Variants in XYLT1 observed in about 807,000 individuals in gnomAD.
The protein encoded by XYLT1 is beta-D-xylosyltransferase 1.
A neutral mutation model predicts 91.3 loss-of-function variants in XYLT1; 36 were observed. That is an observed-to-expected ratio of 0.39 (90% CI 0.30 to 0.52). XYLT1 has a LOEUF of 0.52. XYLT1 is among the 20% of genes least tolerant of loss of function. The pLI, the probability that XYLT1 is intolerant of heterozygous loss-of-function variation, is 0.68. For missense variants in XYLT1, 1,242 were observed against 1,284.5 expected (o/e 0.97, Z 0.51); for synonymous variants, 588 against 532.0 (o/e 1.11, Z -1.45).
rs2033677467 is a variant in XYLT1, at chr16:17,258,988, C to T, written c.913G>A (p.Gly305Ser). The change falls in exon 3 of 12, where the codon GGT (glycine) becomes AGT (serine). Residue 305 changes from glycine to serine, a missense_variant and splice_region_variant. By Grantham distance (56) the Gly-to-Ser change is moderately conservative. Coordinates refer to ENST00000261381, the MANE Select transcript of XYLT1 (RefSeq NM_022166.4). Reference sequence around the variant, plus strand: ...CTGAGCCAGCGGGGTTGGAACTTACCCTCGAGGGGGCAGAACCGAGTCACC... The same window carrying T: ...CTGAGCCAGCGGGGTTGGAACTTACTCTCGAGGGGGCAGAACCGAGTCACC... ...EKVTRFCPLE[G>S]KANKNVQWDE... 3 of 1,495,826 alleles carry T rather than the reference C, an allele frequency of 2.0e-6. No homozygotes were observed. The South Asian group carries it at 4.3e-5, about 21-fold the overall frequency. 92.7% of individuals were successfully genotyped at this position (1,495,826 alleles called of 1,614,324 possible). A position where few individuals can be genotyped will look rare whatever the true frequency, so the allele number is the denominator to read the frequency against.
chr16:17,465,556 T>G lies in XYLT1; in HGVS notation c.363+4878A>C, dbSNP rs397832635. Among the ~76,000 whole-genome samples the G allele has an allele frequency of 4.3e-3, 440 of 101,202 alleles. 6 individuals are homozygous for G. In the East Asian group the frequency reaches 0.073, roughly 17 times the overall value. 66.4% of individuals were successfully genotyped at this position (101,202 alleles called of 152,430 possible). ...CCTGGAAATTTTTTGTGTTTTTTTT[T>G]GGGGGGGGGGGGGGTGAGCATTTAA... On this transcript the variant is annotated intron_variant, in intron 1 of 11. Transcript: ENST00000261381.
chr16:17,421,344 C>G (rs1363836299), intron 1 of XYLT1, among the ~76,000 whole-genome samples: 1 of 152,198 alleles, frequency 6.6e-6, no homozygotes, highest in Non-Finnish European at 1.5e-5. Flanking sequence ...CCCATATGCT[C>G]TTCTGCAAGG....
chr16:17,111,837 T>A (rs973948297), intron 11 of XYLT1, among the ~76,000 whole-genome samples: 1 of 152,170 alleles, frequency 6.6e-6, no homozygotes, highest in African/African-American at 2.4e-5. Flanking sequence ...AGCTGCTTTC[T>A]CCCACGGTAG....
intron 1 of XYLT1, among the ~76,000 whole-genome samples, chr16:17,369,128 T>G (rs1354179744): frequency 1.4e-5 from 2 of 138,626 alleles, no homozygotes; most frequent in Non-Finnish European, 3.2e-5. Flanking sequence ...ACAAAAATAC[T>G]TCTTTTTTTT....
At chr16:17,209,048 A>C (rs1173459239) in intron 3 of XYLT1, among the ~76,000 whole-genome samples, 1 of 152,236 alleles carries the variant, frequency 6.6e-6, no homozygotes. Flanking sequence ...TTAAGTTTAC[A>C]GTTTAGTATA....
chr16:17,330,136 C>CACACACACAG (rs1172699737), intron 2 of XYLT1, among the ~76,000 whole-genome samples: 3 of 151,626 alleles, frequency 2.0e-5, no homozygotes, highest in Non-Finnish European at 4.4e-5. Context: ...CACACACACA[C>CACACACACAG]AGCTGTCAGC....
chr16:17,391,124 G>C (rs1046083025), intron 1 of XYLT1, among the ~76,000 whole-genome samples: 9 of 152,216 alleles, frequency 5.9e-5, no homozygotes, highest in African/African-American at 2.2e-4. Context: ...GAGGTCACAA[G>C]ATTTGCAACT....
rs375109063 is a variant in XYLT1 at position 17,141,286 on chromosome 16, T to G, written c.1454A>C (p.Glu485Ala). 3.1e-6 allele frequency: 5 copies of G among 1,614,036 alleles called. No individual in the cohort carries two copies. In the African/African-American group the frequency reaches 5.3e-5, roughly 17 times the overall value. ...CGAACCGCCATCCACGGCAATGCCC[T>G]CTGGGATCCGCCGATCTCCCAGGCG... ...MWRLGDRRIP[E>A]GIAVDGGSDW... The change falls in exon 7 of 12, where the codon GAG (glutamate) becomes GCG (alanine). Residue 485 changes from glutamate (E) to alanine (A), a missense_variant. Coordinates refer to ENST00000261381, the MANE Select transcript of XYLT1 (RefSeq NM_022166.4).
chr16:17,289,413 T>C (rs761087307), intron 2 of XYLT1, among the ~76,000 whole-genome samples: 1 of 152,200 alleles, frequency 6.6e-6, no homozygotes, highest in African/African-American at 2.4e-5. Context: ...AATTGTCTTC[T>C]GCCATGTTTA....
At chr16:17,335,054 T>C (rs186483841) in intron 2 of XYLT1, among the ~76,000 whole-genome samples, 14 of 151,782 alleles carry the variant, frequency 9.2e-5, no homozygotes, top group Non-Finnish European at 2.1e-4. Flanking sequence ...CATAACCCCA[T>C]GTCTACTCAA....
chr16:17,194,030 T>A (rs1189019623), intron 5 of XYLT1: 1 of 152,110 alleles, frequency 6.6e-6, no homozygotes, highest in African/African-American at 2.4e-5. Flanking sequence ...AAGCCACAAA[T>A]AAGACAACTC....
chr16:17,290,795 T>C (rs1382793834), intron 2 of XYLT1, among the ~76,000 whole-genome samples: 2 of 152,204 alleles, frequency 1.3e-5, no homozygotes, highest in Non-Finnish European at 2.9e-5. Flanking sequence ...ATCTGAAACA[T>C]GACAAAATAA....
chr16:17,119,610 A>G (rs1307116458), intron 10 of XYLT1, among the ~76,000 whole-genome samples: 1 of 152,206 alleles, frequency 6.6e-6, no homozygotes, highest in Non-Finnish European at 1.5e-5. Context: ...TTCACTGCTA[A>G]TATTTGCTGA....
intron 1 of XYLT1, among the ~76,000 whole-genome samples, chr16:17,389,068 G>C (rs1042190737): frequency 6.6e-6 from 1 of 152,200 alleles, no homozygotes; most frequent in Non-Finnish European, 1.5e-5. Context: ...GGGCAACACT[G>C]GTTCTTTGCA....
intron 3 of XYLT1, among the ~76,000 whole-genome samples, chr16:17,229,145 T>C (rs1051907061): frequency 2.0e-5 from 3 of 152,164 alleles, no homozygotes; most frequent in Non-Finnish European, 2.9e-5. Flanking sequence ...AATTTTTGTA[T>C]TTTTTGTACA....
chr16:17,353,962 G>A (rs1349177695), intron 2 of XYLT1, among the ~76,000 whole-genome samples: 1 of 152,168 alleles, frequency 6.6e-6, no homozygotes, highest in African/African-American at 2.4e-5. Flanking sequence ...TACCTCATGT[G>A]GAAATCGGGT....
At chr16:17,190,167 G>C (rs1486412306) in intron 5 of XYLT1, among the ~76,000 whole-genome samples, 2 of 152,228 alleles carry the variant, frequency 1.3e-5, no homozygotes, top group African/African-American at 4.8e-5. Flanking sequence ...AATGGGTACA[G>C]GGTTTTCTTT....
chr16:17,346,478 T>C (rs1464670475), intron 2 of XYLT1, among the ~76,000 whole-genome samples: 1 of 152,198 alleles, frequency 6.6e-6, no homozygotes, highest in African/African-American at 2.4e-5. Context: ...GTCATGGACA[T>C]CCAGCAGCTC....
At chr16:17,194,901 C>A (rs2032393194) in intron 5 of XYLT1, among the ~76,000 whole-genome samples, 3 of 152,222 alleles carry the variant, frequency 2.0e-5, no homozygotes, top group African/African-American at 7.2e-5. Context: ...CAAACTCGGT[C>A]CCTTCATGGA....
Sources: gnomAD v4.1 joint callset for allele counts (sites outside exome capture counted in the v4.1 genomes callset) on GRCh38, gnomAD v4.1.1 for gene constraint, MANE v1.5 for transcripts, NCBI Gene and HGNC (gene_info 2026-07-23, HGNC 2026-07-21) for gene names.